The following MAP3K20 variants were observed in gnomAD, a reference collection of about 807,000 sequenced individuals.
MAP3K20 encodes HCCS-4.
MAP3K20 carries 40 observed loss-of-function variants against 85.7 expected under a neutral mutation model. The observed-to-expected ratio is 0.47, with a 90% CI of 0.36 to 0.61. The LOEUF is 0.61. Among genes scored for constraint, MAP3K20 ranks in the 20% least tolerant of loss-of-function variants. The probability of loss-of-function intolerance (pLI) is 0.00; values close to 1 mark genes in which losing one functional copy is unlikely to be tolerated. For synonymous variants in MAP3K20, 325 were observed against 327.7 expected (o/e 0.99, Z 0.09); for missense variants, 817 against 961.7 (o/e 0.85, Z 1.99).
chr2:173,092,695 T>A (rs1009925550), intron 2 of MAP3K20, among the ~76,000 whole-genome samples: 2 of 152,216 alleles, frequency 1.3e-5, no homozygotes, highest in African/African-American at 4.8e-5. Flanking sequence ...AAGGAACATG[T>A]TCTTATATGA....
In MAP3K20 at chr2:173,090,995, C is replaced by T. The variant is rs1687280015; in HGVS notation, c.-34-3C>T. ...CAGCTTTTCTTTTTCTTTCTTTCTG[C>T]AGATTTTGTGGAAGTATAATACTTT... On this transcript the variant is annotated splice_region_variant and splice_polypyrimidine_tract_variant and intron_variant, in intron 1 of 19. Coordinates refer to ENST00000375213, the MANE Select transcript of MAP3K20 (RefSeq NM_016653.3). 1.3e-6 allele frequency: 2 copies of T among 1,563,662 alleles called. No homozygotes were observed. Among genetic ancestry groups the T allele is most frequent in the Non-Finnish European group, 1.7e-6 (2 of 1,156,396 alleles).
chr2:173,206,409 C>A (rs1221848914), intron 9 of MAP3K20, among the ~76,000 whole-genome samples: 1 of 152,176 alleles, frequency 6.6e-6, no homozygotes, highest in Non-Finnish European at 1.5e-5. Flanking sequence ...TTTCTAAATT[C>A]ATGTCATTTT....
intron 1 of MAP3K20, among the ~76,000 whole-genome samples, chr2:173,081,171 A>T (rs1357662296): frequency 1.3e-5 from 2 of 151,218 alleles, no homozygotes; most frequent in South Asian, 4.2e-4. Context: ...ATACAGACAC[A>T]TATTTTAAAA....
chr2:173,259,609 C>A (rs747270422), intron 17 of MAP3K20, among the ~76,000 whole-genome samples: 1 of 152,156 alleles, frequency 6.6e-6, no homozygotes, highest in Non-Finnish European at 1.5e-5. Flanking sequence ...GACCCAGATA[C>A]AAACACAAAT....
At chr2:173,179,226 T>C (rs1690253014) in intron 3 of MAP3K20, among the ~76,000 whole-genome samples, 1 of 151,854 alleles carries the variant, frequency 6.6e-6, no homozygotes. Flanking sequence ...ACCCCGTCTC[T>C]ACTAAAAACA....
At chr2:173,126,809 G>A (rs554226700) in intron 2 of MAP3K20, among the ~76,000 whole-genome samples, 3 of 152,312 alleles carry the variant, frequency 2.0e-5, no homozygotes, top group South Asian at 2.1e-4. Context: ...AGCTTGCTTC[G>A]AAAAGCAAGC....
Position 173,258,760 on chromosome 2 carries a change from A to C in MAP3K20, c.1421A>C (p.Lys474Thr). 6.2e-7 allele frequency: 1 copy of C among 1,613,400 alleles called. No homozygotes were observed. The highest frequency in any genetic ancestry group is 8.5e-7 in the Non-Finnish European group (1 of 1,179,522). Residue 474 changes from lysine (K) to threonine (T), a missense_variant, in exon 17 of 20, where the codon AAA (lysine) becomes ACA (threonine). Coordinates refer to ENST00000375213, the MANE Select transcript of MAP3K20 (RefSeq NM_016653.3). ...DGDEIAITYI[K>T]DVTFNTNLPD... ...GATGAAATTGCAATAACCTACATAA[A>C]AGATGTGACATTCAACACTAACCTA...
At chr2:173,148,178 C>T (rs1335662576) in intron 2 of MAP3K20, among the ~76,000 whole-genome samples, 1 of 152,178 alleles carries the variant, frequency 6.6e-6, no homozygotes, top group Non-Finnish European at 1.5e-5. Context: ...TTATCCTCCC[C>T]TGTCCCCCCT....
intron 12 of MAP3K20, among the ~76,000 whole-genome samples, chr2:173,230,615 T>G (rs1684500704): frequency 6.6e-6 from 1 of 152,242 alleles, no homozygotes; most frequent in African/African-American, 2.4e-5. Flanking sequence ...GCATTCTTGA[T>G]AGAAACCCTG....
intron 2 of MAP3K20, among the ~76,000 whole-genome samples, chr2:173,156,922 G>A (rs544186151): frequency 6.6e-6 from 1 of 152,308 alleles, no homozygotes; most frequent in South Asian, 2.1e-4. Context: ...GGCCATCAAG[G>A]ATCTGTGAAT....
intron 16 of MAP3K20, among the ~76,000 whole-genome samples, chr2:173,249,458 G>A (rs1684994545): frequency 6.6e-6 from 1 of 152,180 alleles, no homozygotes; most frequent in Admixed American, 6.5e-5. Flanking sequence ...AGCTCAACTG[G>A]TAAACAATGC....
At chr2:173,146,596 G>A (rs750331962) in intron 2 of MAP3K20, among the ~76,000 whole-genome samples, 20 of 152,046 alleles carry the variant, frequency 1.3e-4, no homozygotes, top group Admixed American at 2.0e-4. Context: ...ACACCCACTC[G>A]TCTACTTTCT....
rs1309576585 is a variant in MAP3K20, at chr2:173,147,207, G to T, written c.160-22598G>T. ...TTGAAGTACTAACGTTCTTCATTTT[G>T]GGGGCATTCAGTTTAACTTTCGTTG... On this transcript the variant is annotated intron_variant, in intron 2 of 19. Transcript: ENST00000375213. Among the ~76,000 whole-genome samples the T allele has an allele frequency of 3.3e-5, 5 of 152,066 alleles. No individual in the cohort carries two copies. In the East Asian group the frequency reaches 9.6e-4, roughly 29 times the overall value.
chr2:173,096,371 G>A (rs569895167), intron 2 of MAP3K20, among the ~76,000 whole-genome samples: 8 of 140,868 alleles, frequency 5.7e-5, no homozygotes, highest in African/African-American at 1.6e-4. Flanking sequence ...ACAGAGTCTC[G>A]CTCTTTTGCC....
At chr2:173,255,039 T>C (rs16861444) in intron 16 of MAP3K20, among the ~76,000 whole-genome samples, 5,717 of 152,322 alleles carry the variant, frequency 0.038, 364 homozygotes, top group African/African-American at 0.13. Context: ...TCCTTGATTA[T>C]AGTTTTATTC....
At chr2:173,120,857 G>A (rs1197216081) in intron 2 of MAP3K20, among the ~76,000 whole-genome samples, 2 of 151,794 alleles carry the variant, frequency 1.3e-5, no homozygotes, top group African/African-American at 2.4e-5. Flanking sequence ...ACAGGTGCGT[G>A]CCACCATGGC....
intron 9 of MAP3K20, among the ~76,000 whole-genome samples, chr2:173,205,119 A>AAAC (rs1553581840): frequency 0.025 from 3,483 of 139,510 alleles, 255 homozygotes; most frequent in African/African-American, 0.075. Flanking sequence ...AAAAAAAAAA[A>AAAC]AAATAAATAA....
intron 2 of MAP3K20, among the ~76,000 whole-genome samples, chr2:173,162,019 G>C (rs1238622257): frequency 6.6e-6 from 1 of 152,002 alleles, no homozygotes; most frequent in Admixed American, 6.5e-5. Context: ...TAACATGCCT[G>C]TACTGCTTTT....
chr2:173,214,704 A>T (rs1245075272), intron 10 of MAP3K20, among the ~76,000 whole-genome samples: 5 of 152,208 alleles, frequency 3.3e-5, no homozygotes, highest in African/African-American at 9.6e-5. Context: ...CATATGGAAA[A>T]TTGATACTAG....
Sources: gnomAD v4.1 joint callset for allele counts (sites outside exome capture counted in the v4.1 genomes callset) on GRCh38, gnomAD v4.1.1 for gene constraint, MANE v1.5 for transcripts, NCBI Gene and HGNC (gene_info 2026-07-23, HGNC 2026-07-21) for gene names.